The following PLXNA4 variants were observed in gnomAD, a reference collection of about 807,000 sequenced individuals.
The protein encoded by PLXNA4 is plexin-A4.
Under a neutral mutation model 191.8 loss-of-function variants are expected in PLXNA4, and 44 were observed. That is an observed-to-expected ratio of 0.23 (90% CI 0.18 to 0.29). The LOEUF (loss-of-function observed/expected upper bound fraction) is 0.29, where lower values mean the gene tolerates loss of function less well. PLXNA4 is among the 10% of genes least tolerant of loss of function. The pLI is 1.00. For missense variants in PLXNA4, 1,800 were observed against 2,488.8 expected, an observed-to-expected ratio of 0.72 and a Z score of 5.89; for synonymous variants, 1,082 against 1,009.5, an observed-to-expected ratio of 1.07 and a Z score of -1.36.
chr7:132,131,545 C>T (rs1477883318), intron 31 of PLXNA4, among the ~76,000 whole-genome samples: 10 of 152,044 alleles, frequency 6.6e-5, no homozygotes, highest in South Asian at 6.2e-4. Flanking sequence ...TCAAGGGAGG[C>T]GCCCAGGGCT....
At chr7:132,538,017 C>A (rs1422007081) in intron 1 of PLXNA4, among the ~76,000 whole-genome samples, 1 of 152,242 alleles carries the variant, frequency 6.6e-6, no homozygotes, top group Non-Finnish European at 1.5e-5. Flanking sequence ...CGACCCCAAA[C>A]CTGCTCACAT....
chr7:132,596,085 T>G (rs1360849878), intron 2 of PLXNA4, among the ~76,000 whole-genome samples: 1 of 152,254 alleles, frequency 6.6e-6, no homozygotes, highest in Non-Finnish European at 1.5e-5. Context: ...TTGGTTGTAG[T>G]GTCTGTTGAC....
chr7:132,284,869 C>T (rs1258100214), intron 4 of PLXNA4, among the ~76,000 whole-genome samples: 1 of 152,138 alleles, frequency 6.6e-6, no homozygotes, highest in Non-Finnish European at 1.5e-5. Flanking sequence ...CATACACCAC[C>T]ACGCCTGGCT....
At chr7:132,514,896 C>T (rs1273169928) in intron 1 of PLXNA4, among the ~76,000 whole-genome samples, 1 of 152,168 alleles carries the variant, frequency 6.6e-6, no homozygotes, top group Admixed American at 6.5e-5. Flanking sequence ...ATTTGAAACA[C>T]ACTTTCAGAG....
At chr7:132,318,835 G>T (rs572779826) in intron 3 of PLXNA4, among the ~76,000 whole-genome samples, 2 of 152,218 alleles carry the variant, frequency 1.3e-5, no homozygotes, top group East Asian at 1.9e-4. Flanking sequence ...AGGTATGTGT[G>T]TGCGCGGGTC....
At chr7:132,299,638 A>G (rs1035424598) in intron 3 of PLXNA4, among the ~76,000 whole-genome samples, 5 of 152,202 alleles carry the variant, frequency 3.3e-5, no homozygotes, top group African/African-American at 1.2e-4. Flanking sequence ...AATCCTCTCA[A>G]TCCTGTGGGT....
chr7:132,594,008 G>A (rs1802654452), intron 2 of PLXNA4, among the ~76,000 whole-genome samples: 2 of 152,248 alleles, frequency 1.3e-5, no homozygotes, highest in African/African-American at 4.8e-5. Flanking sequence ...ATGGGGCCAT[G>A]ACCAGGCAAG....
chr7:132,556,714 A>G (rs557150190), intron 1 of PLXNA4, among the ~76,000 whole-genome samples: 3 of 152,242 alleles, frequency 2.0e-5, no homozygotes, highest in Non-Finnish European at 4.4e-5. Context: ...TGCCATGTCA[A>G]AGGGTTCCGT....
intron 24 of PLXNA4, among the ~76,000 whole-genome samples, chr7:132,160,757 T>C (rs1795926395): frequency 1.3e-5 from 2 of 152,108 alleles, no homozygotes; most frequent in Admixed American, 1.3e-4. Flanking sequence ...CATTTCCCAA[T>C]TGTCCCATCT....
intron 3 of PLXNA4, among the ~76,000 whole-genome samples, chr7:132,364,289 T>A (rs1804067166): frequency 6.6e-6 from 1 of 152,230 alleles, no homozygotes; most frequent in Admixed American, 6.5e-5. Flanking sequence ...GATATTTGGA[T>A]AGAAACTCAG....
chr7:132,178,211 G>A (rs1166124074), intron 20 of PLXNA4, among the ~76,000 whole-genome samples: 2 of 152,130 alleles, frequency 1.3e-5, no homozygotes, highest in Non-Finnish European at 2.9e-5. Flanking sequence ...TTGCTGAAAT[G>A]CGTCATGTTA....
chr7:132,534,999 C>T (rs1055515004), intron 1 of PLXNA4, among the ~76,000 whole-genome samples: 20 of 152,198 alleles, frequency 1.3e-4, no homozygotes, highest in African/African-American at 4.8e-4. Context: ...GGCTTTAAGG[C>T]CTTCCTATCA....
At chr7:132,291,113 T>C (rs920557381) in intron 4 of PLXNA4, among the ~76,000 whole-genome samples, 14 of 152,234 alleles carry the variant, frequency 9.2e-5, no homozygotes, top group Admixed American at 5.2e-4. Flanking sequence ...ACTTTCCCCC[T>C]TCTCCCCTCC....
chr7:132,424,711 G>C (rs571017335), intron 3 of PLXNA4, among the ~76,000 whole-genome samples: 1 of 152,298 alleles, frequency 6.6e-6, no homozygotes, highest in East Asian at 1.9e-4. Flanking sequence ...TGTTTGGGGT[G>C]ATGCATATCC....
intron 1 of PLXNA4, among the ~76,000 whole-genome samples, chr7:132,560,819 C>T (rs971765151): frequency 3.9e-5 from 6 of 152,150 alleles, no homozygotes; most frequent in Non-Finnish European, 8.8e-5. Context: ...ACCACCTTCA[C>T]CGCCATATCC....
intron 1 of PLXNA4, among the ~76,000 whole-genome samples, chr7:132,575,083 G>T (rs1802164239): frequency 1.3e-5 from 2 of 152,140 alleles, no homozygotes; most frequent in South Asian, 4.1e-4. Context: ...AAACACAGGA[G>T]CTTGTACATA....
At position 132,424,628 on chromosome 7, in the gene PLXNA4, G is replaced by A. The variant is rs531158551; in HGVS notation, c.1371+64664C>T. On this transcript the variant is annotated intron_variant, in intron 3 of 31. Transcript: ENST00000321063. ...GAGGACACTATACACCCTGGATACT[G>A]TCCCCTTTCCATTCCATTTGTAATT... Among the ~76,000 whole-genome samples, 3 of 152,188 alleles carry A rather than the reference G, an allele frequency of 2.0e-5. No homozygotes were observed. The East Asian group carries it at 5.8e-4, about 29-fold the overall frequency.
In PLXNA4 at chr7:132,365,358, T is replaced by TGCGCGCGCGC. The variant is rs1554424500; in HGVS notation, c.1372-67137_1372-67136insGCGCGCGCGC. ...GTGTGTGTGTGTGTGTGTGTGTGTG[T>TGCGCGCGCGC]GTGCGTGCGCGCGCATGCATGGGGC... On this transcript the variant is annotated intron_variant, in intron 3 of 31. Transcript: ENST00000321063. 6.3e-3 allele frequency among the ~76,000 whole-genome samples: 842 copies of TGCGCGCGCGC among 133,644 alleles called. 4 individuals carry two copies. The highest frequency in any genetic ancestry group is 8.6e-3 in the Non-Finnish European group (563 of 65,754). 87.7% of individuals were successfully genotyped at this position (133,644 alleles called of 152,430 possible).
At chr7:132,136,161 C>A (rs932295328) in intron 30 of PLXNA4, among the ~76,000 whole-genome samples, 21 of 152,330 alleles carry the variant, frequency 1.4e-4, no homozygotes, top group African/African-American at 5.1e-4. Flanking sequence ...CTGACTCATG[C>A]GGCACTACCT....
Sources: gnomAD v4.1 joint callset for allele counts (sites outside exome capture counted in the v4.1 genomes callset) on GRCh38, gnomAD v4.1.1 for gene constraint, MANE v1.5 for transcripts, NCBI Gene and HGNC (gene_info 2026-07-23, HGNC 2026-07-21) for gene names.